UIMC1: variants seen among roughly 807,000 people sequenced by gnomAD.
UIMC1 encodes ubiquitin interaction motif containing 1.
A neutral mutation model predicts 84.9 loss-of-function variants in UIMC1; 42 were observed. The ratio of observed to expected loss-of-function variants is 0.49; its 90% CI spans 0.39 to 0.64. UIMC1 has a LOEUF of 0.64. Ranked by LOEUF, UIMC1 falls within the 30% of genes least tolerant of loss-of-function variation. The pLI is 0.00. For missense variants in UIMC1, 825 were observed against 847.6 expected (o/e 0.97, Z 0.33); for synonymous variants, 281 against 293.0 (o/e 0.96, Z 0.42).
At chr5:176,947,237 T>G (rs147044764) in intron 9 of UIMC1, among the ~76,000 whole-genome samples, 1 of 152,320 alleles carries the variant, frequency 6.6e-6, no homozygotes, top group African/African-American at 2.4e-5. Flanking sequence ...TTAAAAAGTC[T>G]ATTTAAGTAT....
intron 1 of UIMC1, among the ~76,000 whole-genome samples, chr5:177,000,827 T>C (rs1313213676): frequency 6.6e-6 from 1 of 152,140 alleles, no homozygotes; most frequent in African/African-American, 2.4e-5. Flanking sequence ...GTAATGTCTA[T>C]TCAAATCTTT....
At chr5:176,979,102 AAC>A (rs1311061638) in intron 2 of UIMC1, among the ~76,000 whole-genome samples, 2 of 152,338 alleles carry the variant, frequency 1.3e-5, no homozygotes, top group South Asian at 2.1e-4. Flanking sequence ...ACGGAAGAAA[AAC>A]AGAGACACAC....
chr5:176,996,013 T>C (rs1434071756), intron 1 of UIMC1, among the ~76,000 whole-genome samples: 1 of 152,074 alleles, frequency 6.6e-6, no homozygotes, highest in Non-Finnish European at 1.5e-5. Flanking sequence ...GCAGCCTTAG[T>C]CATAAGGGAC....
chr5:177,007,908 T>C (rs562577734), upstream of UIMC1, among the ~76,000 whole-genome samples: 125 of 152,126 alleles, frequency 8.2e-4, no homozygotes, highest in African/African-American at 2.8e-3. Context: ...AGTTAGAGAC[T>C]AGCCTGACCA....
intron 1 of UIMC1, among the ~76,000 whole-genome samples, chr5:176,987,111 T>C (rs1365323630): frequency 2.0e-4 from 31 of 151,856 alleles, no homozygotes; most frequent in Admixed American, 2.0e-3. Flanking sequence ...TCCCAGCTAC[T>C]TGGGAGGCTG....
chr5:176,986,359 CAA>C (rs71583560), intron 1 of UIMC1, among the ~76,000 whole-genome samples: 22 of 28,006 alleles, frequency 7.9e-4, no homozygotes, highest in South Asian at 5.1e-3. Flanking sequence ...GACTTCATCT[CAA>C]AAAAAAAAAA....
chr5:177,001,330 T>G (rs559548856), intron 1 of UIMC1: 1 of 152,206 alleles, frequency 6.6e-6, no homozygotes, highest in Non-Finnish European at 1.5e-5. Context: ...GGTGTGTGGA[T>G]AGACTTATAC....
rs538624231 is a variant in UIMC1, at chr5:176,998,206, G to A, written c.-9+8444C>T. On this transcript the variant is annotated intron_variant, in intron 1 of 14. Coordinates refer to ENST00000511320, the MANE Select transcript of UIMC1 (RefSeq NM_001199298.2). ...GGGGATCAATAAATACTTATTTGCA[G>A]TGGTTCACCCCTGTAATCCCAGCAC... Among the ~76,000 whole-genome samples the A allele has an allele frequency of 1.6e-3, 247 of 152,180 alleles. 2 individuals carry two copies. The highest frequency in any genetic ancestry group is 5.7e-3 in the African/African-American group (237 of 41,516).
intron 1 of UIMC1, among the ~76,000 whole-genome samples, chr5:176,998,463 T>C (rs1773959024): frequency 3.7e-3 from 2 of 534 alleles, no homozygotes; most frequent in African/African-American, 0.019. Context: ...CAAGACTCTG[T>C]CTCAAAAAAA....
At chr5:176,997,804 T>C (rs528985589) in intron 1 of UIMC1, among the ~76,000 whole-genome samples, 5 of 152,248 alleles carry the variant, frequency 3.3e-5, no homozygotes, top group East Asian at 1.9e-4. Context: ...TCCTGCCAGA[T>C]TGCTCTTTCT....
At chr5:177,018,472 C>A (rs1346511671) in intron 1 of UIMC1, among the ~76,000 whole-genome samples, 1 of 152,164 alleles carries the variant, frequency 6.6e-6, no homozygotes, top group Admixed American at 6.5e-5. Flanking sequence ...AGTATTTAAG[C>A]AACTGAAATG....
intron 1 of UIMC1, among the ~76,000 whole-genome samples, chr5:176,985,115 A>T (rs1194331095): frequency 6.6e-6 from 1 of 152,186 alleles, no homozygotes; most frequent in Admixed American, 6.5e-5. Flanking sequence ...AATATAGAGG[A>T]ATTTTTTTTA....
chr5:176,913,065 A>T (rs1760474855), intron 10 of UIMC1, among the ~76,000 whole-genome samples: 2 of 152,240 alleles, frequency 1.3e-5, no homozygotes, highest in African/African-American at 4.8e-5. Flanking sequence ...TGGGGACTAT[A>T]TGAATACATT....
chr5:176,944,406 A>C (rs955323760), intron 9 of UIMC1, among the ~76,000 whole-genome samples: 1 of 152,224 alleles, frequency 6.6e-6, no homozygotes, highest in African/African-American at 2.4e-5. Context: ...ACACAGGTTG[A>C]TCAGAGCCAA....
At chr5:176,948,408 G>A (rs1413899326) in intron 9 of UIMC1, among the ~76,000 whole-genome samples, 1 of 148,840 alleles carries the variant, frequency 6.7e-6, no homozygotes, top group Admixed American at 6.6e-5. Context: ...TCTCTACCAC[G>A]TTTTATATTC....
intron 9 of UIMC1, among the ~76,000 whole-genome samples, chr5:176,946,565 T>A (rs1765135722): frequency 6.6e-6 from 1 of 151,916 alleles, no homozygotes; most frequent in Admixed American, 6.6e-5. Context: ...CCAGGTGCGA[T>A]GGCTCACGCT....
chr5:176,969,570 G>A (rs1768886064), intron 5 of UIMC1, 31 bp downstream of exon 5: 7 of 1,595,772 alleles, frequency 4.4e-6, no homozygotes, highest in Non-Finnish European at 6.0e-6. Context: ...TATACTTGAT[G>A]AATGGAAGGA....
At chr5:176,930,410 TA>T (rs1416772608) in intron 10 of UIMC1, among the ~76,000 whole-genome samples, 1 of 152,224 alleles carries the variant, frequency 6.6e-6, no homozygotes, top group African/African-American at 2.4e-5. Context: ...AAACTTGGTG[TA>T]CCCTAGCTCT....
intron 6 of UIMC1, among the ~76,000 whole-genome samples, chr5:176,966,428 G>C (rs1768318776): frequency 6.6e-6 from 1 of 152,116 alleles, no homozygotes; most frequent in East Asian, 1.9e-4. Flanking sequence ...ATTCTATGAA[G>C]CTCCTCAAAG....
Sources: gnomAD v4.1 joint callset for allele counts (sites outside exome capture counted in the v4.1 genomes callset) on GRCh38, gnomAD v4.1.1 for gene constraint, MANE v1.5 for transcripts, NCBI Gene and HGNC (gene_info 2026-07-23, HGNC 2026-07-21) for gene names.